The following RAD51C variants were observed in gnomAD, a reference collection of about 807,000 sequenced individuals.
RAD51C encodes DNA repair protein RAD51 homolog 3.
Under a neutral mutation model 45.0 loss-of-function variants are expected in RAD51C, and 42 were observed. The observed-to-expected ratio is 0.93, with a 90% CI of 0.73 to 1.21. RAD51C has a LOEUF of 1.21. RAD51C is among the 50% of genes most tolerant of loss of function. RAD51C has a pLI of 0.00. For missense variants in RAD51C, 474 were observed against 452.2 expected, an observed-to-expected ratio of 1.05 and a Z score of -0.44; for synonymous variants, 172 against 159.8, an observed-to-expected ratio of 1.08 and a Z score of -0.58.
At chr17:58,710,787 AT>A (rs936306214) in intron 5 of RAD51C, among the ~76,000 whole-genome samples, 17 of 148,628 alleles carry the variant, frequency 1.1e-4, no homozygotes, top group South Asian at 4.3e-4. Context: ...AAGGGAAGAG[AT>A]TTTTTTTTTT....
At chr17:58,701,864 C>G (rs537987577) in intron 3 of RAD51C, among the ~76,000 whole-genome samples, 1 of 152,166 alleles carries the variant, frequency 6.6e-6, no homozygotes, top group Admixed American at 6.6e-5. Flanking sequence ...CGCCCAGCCT[C>G]AAACTGTTTG....
chr17:58,700,946 G>A (rs1159981905), intron 3 of RAD51C, among the ~76,000 whole-genome samples: 7 of 151,962 alleles, frequency 4.6e-5, no homozygotes, highest in Admixed American at 4.6e-4. Context: ...ATCCAGGCCG[G>A]ATTGCAGTGG....
rs767204839 is a variant in RAD51C at position 58,709,829 on chromosome 17, CAA to C, written c.706-28_706-27del. 6 of 1,579,360 alleles carry C rather than the reference CAA, an allele frequency of 3.8e-6. No homozygotes were observed. The South Asian group carries it at 6.7e-5, about 18-fold the overall frequency. On this transcript the variant is annotated intron_variant, in intron 4 of 8. Coordinates refer to ENST00000337432, the MANE Select transcript of RAD51C (RefSeq NM_058216.3). ...ATTATTATTATTTTATTTTTCGTAA[CAA>C]ATCTAATATTATCTCTTCTGTATTT... is the stretch of plus-strand genomic sequence containing the variant.
chr17:58,717,622 G>A (rs1265735514), intron 5 of RAD51C, among the ~76,000 whole-genome samples: 1 of 152,092 alleles, frequency 6.6e-6, no homozygotes, highest in Admixed American at 6.6e-5. Flanking sequence ...TGTAATCCCA[G>A]CTACTCATGA....
At chr17:58,731,983 A>C (rs993367088) in intron 7 of RAD51C, among the ~76,000 whole-genome samples, 1 of 152,200 alleles carries the variant, frequency 6.6e-6, no homozygotes, top group Non-Finnish European at 1.5e-5. Flanking sequence ...ATAATTCTTC[A>C]GCAATAATTA....
chr17:58,733,143 G>C (rs1486760295), intron 8 of RAD51C, among the ~76,000 whole-genome samples: 3 of 152,084 alleles, frequency 2.0e-5, no homozygotes, highest in African/African-American at 7.2e-5. Context: ...AGCCTCCCTA[G>C]TAGCTGGGAT....
Position 58,732,559 on chromosome 17 carries a change from A to G in RAD51C, c.1026+15A>G, listed in dbSNP as rs563317734. 24 of 1,605,850 alleles carry G rather than the reference A, an allele frequency of 1.5e-5. No individual in the cohort carries two copies. Among genetic ancestry groups the G allele is most frequent in the Non-Finnish European group, 1.9e-5 (22 of 1,172,646 alleles). ...TTCAAATCAAAGTCAGTATTATTTG[A>G]TTAGAGTGGGATTTTGATATTGATG... On this transcript the variant is annotated intron_variant, in intron 8 of 8. Transcript: ENST00000337432.
rs143381565 is a variant in RAD51C, at chr17:58,732,824, A to G, written c.1026+280A>G. The G allele has an allele frequency of 1.3e-3, 459 of 357,752 alleles. 2 individuals are homozygous for G. The highest frequency in any genetic ancestry group is 9.0e-3 in the African/African-American group (436 of 48,622). The allele number at this position is 357,752 out of a possible 1,614,324, so 22.2% of individuals were successfully genotyped here. A position where few individuals can be genotyped will look rare whatever the true frequency, so the allele number is the denominator to read the frequency against. ...AGGATATTAAAAATCTTTAAAGTGA[A>G]AGTTGTTGAAGATTTCCAGAAAAGA... On this transcript the variant is annotated intron_variant, in intron 8 of 8. Transcript: ENST00000337432.
intron 1 of RAD51C, chr17:58,693,006 C>CT: frequency 1.6e-6 from 1 of 610,754 alleles, no homozygotes; most frequent in Non-Finnish European, 2.8e-6. Flanking sequence ...TGCTTTTCCT[C>CT]TGGCAATGCC....
chr17:58,720,953 G>A lies in RAD51C; in HGVS notation c.904+141G>A, dbSNP rs1019598280. 20 of 709,138 alleles carry A rather than the reference G, an allele frequency of 2.8e-5. No individual in the cohort carries two copies. The African/African-American group carries it at 3.4e-4, about 12-fold the overall frequency. The allele number at this position is 709,138 out of a possible 1,614,324, so 43.9% of individuals were successfully genotyped here. ...CTGGTTAATCTTAGCACTAAGCACAGTACCGTTAGATACTGATTGTTCCTT... is the reference window on the plus strand; with the variant it reads ...CTGGTTAATCTTAGCACTAAGCACAATACCGTTAGATACTGATTGTTCCTT... On this transcript the variant is annotated intron_variant, in intron 6 of 8. Transcript: ENST00000337432.
chr17:58,711,316 T>G (rs1266390234), intron 5 of RAD51C, among the ~76,000 whole-genome samples: 2 of 152,188 alleles, frequency 1.3e-5, no homozygotes, highest in African/African-American at 2.4e-5. Context: ...TGGAAGAAGA[T>G]ATATACATAT....
At chr17:58,693,071 A>G (rs2047843728) in intron 1 of RAD51C, 1 of 446,916 alleles carries the variant, frequency 2.2e-6, no homozygotes, top group South Asian at 2.1e-5. Context: ...TACGTAGATT[A>G]TTATATTCAG....
chr17:58,727,938 A>T (rs2049232336), intron 7 of RAD51C, among the ~76,000 whole-genome samples: 1 of 140,960 alleles, frequency 7.1e-6, no homozygotes, highest in African/African-American at 2.7e-5. Context: ...TAAGATATTA[A>T]AAAAAAAAAA....
At chr17:58,730,311 C>T (rs915143670) in intron 7 of RAD51C, among the ~76,000 whole-genome samples, 2 of 151,058 alleles carry the variant, frequency 1.3e-5, no homozygotes, top group African/African-American at 2.4e-5. Flanking sequence ...ATTACAGGTG[C>T]GTGCCACCAC....
chr17:58,695,235 T>C, intron 2 of RAD51C, 46 bp downstream of exon 2: 3 of 1,571,860 alleles, frequency 1.9e-6, no homozygotes, highest in South Asian at 1.2e-5. Context: ...AATAACATAT[T>C]ATGAAAGTAG....
rs186912228 is a variant in RAD51C at position 58,718,418 on chromosome 17, G to A, written c.838-2328G>A. 1.6e-4 allele frequency among the ~76,000 whole-genome samples: 24 copies of A among 152,198 alleles called. 1 individual carries two copies. The South Asian group carries it at 1.7e-3, about 11-fold the overall frequency. ...AATATTAACTCTTTTTTTCTGGAGG[G>A]AAGATATGTATTAGAAGAGTATATA... On this transcript the variant is annotated intron_variant, in intron 5 of 8. Transcript: ENST00000337432.
intron 5 of RAD51C, among the ~76,000 whole-genome samples, chr17:58,713,234 C>CT (rs576279826): frequency 4.0e-5 from 6 of 151,754 alleles, no homozygotes; most frequent in Admixed American, 6.6e-5. Context: ...ATGTATACTA[C>CT]TTTTTTTTTC....
Position 58,692,637 on chromosome 17 carries a change from G to A in RAD51C, c.-7G>A, listed in dbSNP as rs753249247. On this transcript the variant is annotated 5_prime_UTR_variant, in exon 1 of 9. Coordinates refer to ENST00000337432, the MANE Select transcript of RAD51C (RefSeq NM_058216.3). ...TGGCTGCTCCGGGGTTAGCAGGTGA[G>A]CCTGCGATGCGCGGGAAGACGTTCC... The A allele has an allele frequency of 6.8e-6, 11 of 1,614,004 alleles. No individual in the cohort carries two copies. Among genetic ancestry groups the A allele is most frequent in the East Asian group, 6.7e-5 (3 of 44,878 alleles).
At position 58,719,391 on chromosome 17, in the gene RAD51C, G is replaced by GT. The variant is rs574594681; in HGVS notation, c.838-1349dup. 1.7e-4 allele frequency among the ~76,000 whole-genome samples: 26 copies of GT among 151,732 alleles called. No homozygotes were observed. In the East Asian group the frequency reaches 5.2e-3, roughly 30 times the overall value. On this transcript the variant is annotated intron_variant, in intron 5 of 8. Coordinates refer to ENST00000337432, the MANE Select transcript of RAD51C (RefSeq NM_058216.3). ...CCATGCCCAGCTAATTTTTTAAAAAGTTTTTTGTAGGTCAGGTACAGTGGC... is the reference window on the plus strand; with the variant it reads ...CCATGCCCAGCTAATTTTTTAAAAAGTTTTTTTGTAGGTCAGGTACAGTGGC...
Sources: allele counts gnomAD v4.1 joint callset (sites outside exome capture counted in the v4.1 genomes callset), GRCh38; gene constraint gnomAD v4.1.1; transcripts MANE v1.5; gene names NCBI Gene and HGNC (gene_info 2026-07-23, HGNC 2026-07-21).